LAMC2: variants seen among roughly 807,000 people sequenced by gnomAD.
The protein encoded by LAMC2 is laminin subunit gamma 2.
LAMC2 carries 97 observed loss-of-function variants against 140.2 expected under a neutral mutation model. The observed-to-expected ratio is 0.69, with a 90% CI of 0.59 to 0.82. The LOEUF (loss-of-function observed/expected upper bound fraction) is 0.82, where lower values mean the gene tolerates loss of function less well. LAMC2 is among the 40% of genes least tolerant of loss of function. The pLI is 0.00. For synonymous variants in LAMC2, 513 were observed against 540.2 expected (o/e 0.95, Z 0.70); for missense variants, 1,402 against 1,476.1 (o/e 0.95, Z 0.82).
In LAMC2 at chr1:183,228,657, C is replaced by A; in HGVS notation, c.1714+38C>A. 1 of 1,612,086 alleles carries A rather than the reference C, an allele frequency of 6.2e-7. No homozygotes were observed. Among genetic ancestry groups the A allele is most frequent in the Non-Finnish European group, 8.5e-7 (1 of 1,179,692 alleles). Reference sequence around the variant, plus strand: ...CCCAGGCAGGCTGTGTCTGTGCGTGCCTGTGTACGTATGCACTTGCTTGCC... The same window carrying A: ...CCCAGGCAGGCTGTGTCTGTGCGTGACTGTGTACGTATGCACTTGCTTGCC... On this transcript the variant is annotated intron_variant, in intron 11 of 22. Transcript: ENST00000264144. This position sits in a 1 kb window ranked among gnomAD's most constrained non-coding sequence, Gnocchi z 4.3.
At chr1:183,239,310 C>G (rs1361049993) in intron 19 of LAMC2, 54 bp from the exon 20 acceptor site, 4 of 1,499,690 alleles carry the variant, frequency 2.7e-6, no homozygotes, top group Non-Finnish European at 3.7e-6. Context: ...CCCTTTCACT[C>G]ATTTGTAAAT....
chr1:183,211,171 T>C (rs1659057057), intron 2 of LAMC2, among the ~76,000 whole-genome samples: 1 of 152,236 alleles, frequency 6.6e-6, no homozygotes, highest in Admixed American at 6.5e-5. Context: ...TTTTAGATTA[T>C]GACTTTGTGG....
At chr1:183,193,103 C>T (rs1183897074) in intron 1 of LAMC2, among the ~76,000 whole-genome samples, 14 of 152,194 alleles carry the variant, frequency 9.2e-5, no homozygotes, top group Admixed American at 9.2e-4. Context: ...CTCGTCTTTT[C>T]AGAAGTCTCC....
intron 3 of LAMC2, among the ~76,000 whole-genome samples, chr1:183,216,427 C>T (rs1659258664): frequency 6.6e-6 from 1 of 152,186 alleles, no homozygotes; most frequent in Non-Finnish European, 1.5e-5. Context: ...TGAGATAAAA[C>T]TTATCAAGGT....
rs762430522 is a variant in LAMC2 at position 183,186,338 on chromosome 1, C to T, written c.-15C>T. ...CCCTGCAGCGGAGACAGAGACTGAG[C>T]GGCCCGGCCCCGCCATGCCTGCGCT... On this transcript the variant is annotated 5_prime_UTR_variant, in exon 1 of 23. Transcript: ENST00000264144. 8.5e-5 allele frequency: 134 copies of T among 1,585,134 alleles called. No homozygotes were observed. The highest frequency in any genetic ancestry group is 1.1e-4 in the Non-Finnish European group (129 of 1,172,556).
intron 15 of LAMC2, among the ~76,000 whole-genome samples, chr1:183,234,855 G>A (rs1424988739): frequency 6.6e-6 from 1 of 151,292 alleles, no homozygotes; most frequent in Admixed American, 6.6e-5. Context: ...ACTGCAGAGG[G>A]GGAACTTCCT....
At chr1:183,207,682 T>A (rs1361813198) in intron 1 of LAMC2, among the ~76,000 whole-genome samples, 199 bp from the exon 2 acceptor site, 3 of 152,202 alleles carry the variant, frequency 2.0e-5, no homozygotes, top group Non-Finnish European at 4.4e-5. Flanking sequence ...TAGTGCCTAC[T>A]TCCTTTAAGT....
chr1:183,189,656 AAG>A (rs1658264150), intron 1 of LAMC2, among the ~76,000 whole-genome samples: 1 of 152,362 alleles, frequency 6.6e-6, no homozygotes, highest in East Asian at 1.9e-4. Flanking sequence ...GCACTTAAAA[AAG>A]AGATAGAGGA....
At chr1:183,218,713 CA>C (rs1659365818) in intron 4 of LAMC2, among the ~76,000 whole-genome samples, 1 of 152,172 alleles carries the variant, frequency 6.6e-6, no homozygotes, top group African/African-American at 2.4e-5. Flanking sequence ...CTGCTCTGGG[CA>C]CCCTCTCTTT....
At chr1:183,226,650 C>T (rs1659633732) in intron 8 of LAMC2, 48 bp from the exon 9 acceptor site, 1 of 1,492,338 alleles carries the variant, frequency 6.7e-7, no homozygotes, top group Non-Finnish European at 9.4e-7. Context: ...GACTTGAGAT[C>T]TTTAGACTGT....
intron 2 of LAMC2, among the ~76,000 whole-genome samples, chr1:183,210,916 A>G (rs1282657447): frequency 6.6e-6 from 1 of 152,254 alleles, no homozygotes; most frequent in African/African-American, 2.4e-5. Flanking sequence ...CCACTAGCAC[A>G]AGTTTAATTC....
At chr1:183,224,673 T>TAC (rs3064952) in intron 7 of LAMC2, among the ~76,000 whole-genome samples, 13,371 of 147,898 alleles carry the variant, frequency 0.09, 571 homozygotes, top group South Asian at 0.13. Flanking sequence ...GTTCTAATGA[T>TAC]ACACACACAC....
rs112531664 is a variant in LAMC2 at position 183,197,410 on chromosome 1, C to T, written c.80-10471C>T. On this transcript the variant is annotated intron_variant, in intron 1 of 22. Coordinates refer to ENST00000264144, the MANE Select transcript of LAMC2 (RefSeq NM_005562.3). ...GTAAAGTGAGCTGGGCGCAGTGACTCGTGCCTGTAATCCCAACACTTTGGG... is the reference window on the plus strand; with the variant it reads ...GTAAAGTGAGCTGGGCGCAGTGACTTGTGCCTGTAATCCCAACACTTTGGG... Among the ~76,000 whole-genome samples the T allele has an allele frequency of 6.2e-3, 946 of 152,252 alleles. 9 individuals carry two copies. Among genetic ancestry groups the T allele is most frequent in the African/African-American group, 0.022 (900 of 41,540 alleles).
At chr1:183,249,440 T>C (rs1413127248), downstream of LAMC2, 1 of 152,232 alleles carries the variant, frequency 6.6e-6, no homozygotes, top group African/African-American at 2.4e-5. Flanking sequence ...CTGGACATGA[T>C]TGTTCCAGTC....
At chr1:183,249,744 G>A (rs1660326720), downstream of LAMC2, 1 of 152,284 alleles carries the variant, frequency 6.6e-6, no homozygotes, top group Admixed American at 6.6e-5. Context: ...TGGGGGGTAG[G>A]GGGTGCGGCG....
Position 183,237,385 on chromosome 1 carries a change from G to A in LAMC2, c.2635G>A (p.Asp879Asn). Residue 879 changes from aspartate to asparagine, a missense_variant, in exon 18 of 23, where the codon GAT becomes AAT. Transcript: ENST00000264144. Reference sequence around the variant, plus strand: ...AGCAAAGAGGATCAAACAAAAAGCGGATTCACTCTCAAGCCTGGTAACCAG... The same window carrying A: ...AGCAAAGAGGATCAAACAAAAAGCGAATTCACTCTCAAGCCTGGTAACCAG... ...EEAKRIKQKA[D>N]SLSSLVTRHM... 6.2e-7 allele frequency: 1 copy of A among 1,614,180 alleles called. No homozygotes were observed. The highest frequency in any genetic ancestry group is 1.1e-5 in the South Asian group (1 of 91,076).
chr1:183,215,041 TA>T (rs1168204876), intron 2 of LAMC2, among the ~76,000 whole-genome samples: 2 of 152,174 alleles, frequency 1.3e-5, no homozygotes, highest in African/African-American at 4.8e-5. Flanking sequence ...CACTGACCCT[TA>T]AAAGATGACT....
chr1:183,231,150 C>T (rs886268815), intron 12 of LAMC2, 47 bp downstream of exon 12: 3 of 1,610,524 alleles, frequency 1.9e-6, no homozygotes, highest in Non-Finnish European at 2.5e-6. Flanking sequence ...GAATCAAATC[C>T]TTAAGTGTCC....
chr1:183,218,345 A>G, intron 3 of LAMC2, 45 bp from the exon 4 acceptor site: 1 of 1,423,560 alleles, frequency 7.0e-7, no homozygotes, highest in East Asian at 2.3e-5. Flanking sequence ...ATAGTTGTGA[A>G]GCATTTGGAA....
Sources: allele counts gnomAD v4.1 joint callset (sites outside exome capture counted in the v4.1 genomes callset), GRCh38; gene constraint gnomAD v4.1.1; non-coding constraint Gnocchi (gnomAD v3.1); transcripts MANE v1.5; gene names NCBI Gene and HGNC (gene_info 2026-07-23, HGNC 2026-07-21).